The following PRKN variants were observed in gnomAD, a reference collection of about 807,000 sequenced individuals.
The protein encoded by PRKN is E3 ubiquitin-protein ligase parkin.
In PRKN, 56 loss-of-function variants were observed where a neutral mutation model predicts 59.5. That is an observed-to-expected ratio of 0.94 (90% CI 0.76 to 1.18). PRKN has a LOEUF of 1.18. Among genes scored for constraint, PRKN ranks in the 50% most tolerant of loss-of-function variants. The probability of loss-of-function intolerance (pLI) is 0.00; values close to 1 mark genes in which losing one functional copy is unlikely to be tolerated. For synonymous variants in PRKN, 250 were observed against 222.1 expected (o/e 1.13, Z -1.12); for missense variants, 657 against 596.4 (o/e 1.10, Z -1.06).
At chr6:161,351,514 A>T (rs1189481707) in intron 11 of PRKN, among the ~76,000 whole-genome samples, 1 of 151,932 alleles carries the variant, frequency 6.6e-6, no homozygotes, top group Non-Finnish European at 1.5e-5. Flanking sequence ...TCGTAGAGAC[A>T]GGGTTTTGCC....
Position 161,499,188 on chromosome 6 carries a change from A to G in PRKN, c.1083+49666T>C, listed in dbSNP as rs575148904. Among the ~76,000 whole-genome samples, 6 of 149,054 alleles carry G rather than the reference A, an allele frequency of 4.0e-5. No homozygotes were observed. In the South Asian group the frequency reaches 1.3e-3, roughly 32 times the overall value. On this transcript the variant is annotated intron_variant, in intron 9 of 11. Transcript: ENST00000366898. This position sits in a 1 kb window ranked among gnomAD's most constrained non-coding sequence, Gnocchi z 4.2. Reference sequence around the variant, plus strand: ...TTGAAAAGAATCTAAGACAACATTTACAGATTGGGAGATCAACGTAAAAGA... The same window carrying G: ...TTGAAAAGAATCTAAGACAACATTTGCAGATTGGGAGATCAACGTAAAAGA...
intron 1 of PRKN, among the ~76,000 whole-genome samples, chr6:162,489,124 T>A (rs1043351126): frequency 1.8e-4 from 27 of 152,000 alleles, no homozygotes; most frequent in Non-Finnish European, 3.8e-4. Context: ...AAATTGTAAA[T>A]GTCACCTACT....
Position 162,638,542 on chromosome 6 carries a change from T to C in PRKN, c.7+89120A>G, listed in dbSNP as rs1008415206. Among the ~76,000 whole-genome samples the C allele has an allele frequency of 2.6e-5, 4 of 152,278 alleles. No homozygotes were observed. The East Asian group carries it at 5.8e-4, about 22-fold the overall frequency. On this transcript the variant is annotated intron_variant, in intron 1 of 11. Transcript: ENST00000366898. Reference sequence around the variant, plus strand: ...ATTGTTTTTCCCAAGTCTAAAGCAATGGTCTTCATGTTAGCTTCTCTATCT... The same window carrying C: ...ATTGTTTTTCCCAAGTCTAAAGCAACGGTCTTCATGTTAGCTTCTCTATCT...
chr6:162,721,041 T>C (rs1459992181), intron 1 of PRKN, among the ~76,000 whole-genome samples: 3 of 152,206 alleles, frequency 2.0e-5, no homozygotes, highest in African/African-American at 7.2e-5. Context: ...TAAAAAGAAA[T>C]ATGGCCTTTA....
intron 1 of PRKN, among the ~76,000 whole-genome samples, chr6:162,453,218 G>C (rs1790710003): frequency 6.6e-6 from 1 of 152,104 alleles, no homozygotes; most frequent in African/African-American, 2.4e-5. Flanking sequence ...AAGAGACCCT[G>C]GTCTTAGAAC....
At chr6:162,055,506 C>T (rs887173537) in intron 4 of PRKN, among the ~76,000 whole-genome samples, 5 of 152,130 alleles carry the variant, frequency 3.3e-5, no homozygotes, top group African/African-American at 1.2e-4. Flanking sequence ...CAGCCTGGAC[C>T]TCCTCACCGT....
chr6:161,895,491 G>C (rs1168439687), intron 6 of PRKN, among the ~76,000 whole-genome samples: 2 of 143,300 alleles, frequency 1.4e-5, no homozygotes, highest in East Asian at 4.0e-4. Context: ...CTGAGATTCA[G>C]GAGTACGCCC....
intron 4 of PRKN, among the ~76,000 whole-genome samples, chr6:162,193,175 G>A (rs1466608140): frequency 6.6e-6 from 1 of 152,110 alleles, no homozygotes; most frequent in Non-Finnish European, 1.5e-5. Context: ...CATTTCTCTA[G>A]ACTTTAATTA....
intron 1 of PRKN, among the ~76,000 whole-genome samples, chr6:162,662,296 G>A (rs1778917098): frequency 1.3e-5 from 2 of 149,694 alleles, no homozygotes; most frequent in Admixed American, 1.3e-4. Flanking sequence ...TGAGTTGTTT[G>A]AGTTCCTTGT....
At position 161,373,101 on chromosome 6, in the gene PRKN, C is replaced by T. The variant is rs952808411; in HGVS notation, c.1168-12896G>A. ...GTGGGGCTGCCGGTGTGAACCACCA[C>T]ACTCGGTAGGGCAGAATTTTTCTCT... is the stretch of plus-strand genomic sequence containing the variant. On this transcript the variant is annotated intron_variant, in intron 10 of 11. Transcript: ENST00000366898. The surrounding 1 kb of genome is among the most constrained non-coding windows in gnomAD (Gnocchi z 4.8). Among the ~76,000 whole-genome samples, 6 of 152,270 alleles carry T rather than the reference C, an allele frequency of 3.9e-5. No individual in the cohort carries two copies. The highest frequency in any genetic ancestry group is 3.9e-4 in the Admixed American group (6 of 15,300).
At chr6:161,664,616 CA>C (rs1784659729) in intron 7 of PRKN, among the ~76,000 whole-genome samples, 1 of 152,112 alleles carries the variant, frequency 6.6e-6, no homozygotes, top group South Asian at 2.1e-4. Context: ...TTATATATGT[CA>C]AAGCCTATAT....
At chr6:162,360,079 A>ATG (rs1159641003) in intron 2 of PRKN, among the ~76,000 whole-genome samples, 8 of 150,734 alleles carry the variant, frequency 5.3e-5, no homozygotes, top group South Asian at 2.1e-4. Context: ...ATATATACAT[A>ATG]TGTGTGTGTG....
chr6:162,355,668 A>C (rs1175599765), intron 2 of PRKN, among the ~76,000 whole-genome samples: 3 of 152,024 alleles, frequency 2.0e-5, no homozygotes, highest in African/African-American at 4.8e-5. Flanking sequence ...GAGATGAAAA[A>C]AGAAATTACT....
chr6:161,833,229 C>T (rs889712464), intron 6 of PRKN, among the ~76,000 whole-genome samples: 14 of 151,344 alleles, frequency 9.3e-5, no homozygotes, highest in African/African-American at 2.0e-4. Context: ...CCTAAGAAGC[C>T]GTGATCCCTG....
chr6:162,003,208 A>T (rs1183560316), intron 5 of PRKN, among the ~76,000 whole-genome samples: 1 of 8,078 alleles, frequency 1.2e-4, no homozygotes, highest in Non-Finnish European at 2.0e-4. Flanking sequence ...GGTTGTTGAC[A>T]AAAAAAAAAA....
At chr6:162,209,542 G>A (rs1008415073) in intron 3 of PRKN, among the ~76,000 whole-genome samples, 3 of 152,176 alleles carry the variant, frequency 2.0e-5, no homozygotes, top group Non-Finnish European at 4.4e-5. Context: ...GGAAGACAGT[G>A]CAGCGATTCC....
chr6:161,685,922 C>T (rs62436839), intron 7 of PRKN, among the ~76,000 whole-genome samples: 2,731 of 152,276 alleles, frequency 0.018, 32 homozygotes, highest in Non-Finnish European at 0.028. Context: ...CAACCTCACC[C>T]CGGTCCCAGG....
At chr6:162,521,964 T>A (rs112877073) in intron 1 of PRKN, among the ~76,000 whole-genome samples, 8 of 152,302 alleles carry the variant, frequency 5.3e-5, no homozygotes, top group Admixed American at 3.9e-4. Context: ...CAATGGAATA[T>A]CAAACTAAGA....
chr6:162,300,222 C>T (rs939898814), intron 2 of PRKN, among the ~76,000 whole-genome samples: 1 of 151,646 alleles, frequency 6.6e-6, no homozygotes, highest in Non-Finnish European at 1.5e-5. Flanking sequence ...TTTTGTCGGC[C>T]TTTAAAAACT....
Sources: allele counts gnomAD v4.1 joint callset (sites outside exome capture counted in the v4.1 genomes callset), GRCh38; gene constraint gnomAD v4.1.1; non-coding constraint Gnocchi (gnomAD v3.1); transcripts MANE v1.5; gene names NCBI Gene and HGNC (gene_info 2026-07-23, HGNC 2026-07-21).